The following SHROOM2 variants were observed in gnomAD, a reference collection of about 807,000 sequenced individuals.
The protein encoded by SHROOM2 is shroom family member 2.
In SHROOM2, 33 loss-of-function variants were observed where a neutral mutation model predicts 75.9. The ratio of observed to expected loss-of-function variants is 0.43; its 90% CI spans 0.33 to 0.58. SHROOM2 has a LOEUF of 0.58. Ranked by LOEUF, SHROOM2 falls within the 20% of genes least tolerant of loss-of-function variation. SHROOM2 has a pLI of 0.04. For missense variants in SHROOM2, 1,434 were observed against 1,461.2 expected (o/e 0.98, Z 0.30); for synonymous variants, 655 against 663.6 (o/e 0.99, Z 0.20).
intron 2 of SHROOM2, among the ~76,000 whole-genome samples, chrX:9,875,832 C>G (rs1206576768): frequency 8.9e-6 from 1 of 112,556 alleles, no homozygotes; most frequent in Admixed American, 9.4e-5. Flanking sequence ...GGAGTGAAGT[C>G]AGGTATCATT....
intron 1 of SHROOM2, among the ~76,000 whole-genome samples, chrX:9,797,464 T>C (rs971584297): frequency 8.0e-5 from 9 of 112,598 alleles, no homozygotes; most frequent in African/African-American, 2.9e-4. Context: ...ATCAGAAGTT[T>C]TCCTTCTAGC....
intron 1 of SHROOM2, among the ~76,000 whole-genome samples, chrX:9,810,573 C>T (rs760105106): frequency 5.4e-5 from 6 of 110,493 alleles, no homozygotes; most frequent in African/African-American, 1.6e-4. Context: ...CTGGTGGCAG[C>T]GTTCCTCCCT....
intron 1 of SHROOM2, among the ~76,000 whole-genome samples, chrX:9,857,917 G>C (rs910806803): frequency 9.0e-6 from 1 of 110,756 alleles, no homozygotes; most frequent in South Asian, 3.9e-4. Flanking sequence ...CCCAGTGCTC[G>C]AGGCTGTAGA....
intron 5 of SHROOM2, among the ~76,000 whole-genome samples, chrX:9,928,255 C>A (rs1431184886): frequency 8.9e-6 from 1 of 112,423 alleles, no homozygotes; most frequent in African/African-American, 3.2e-5. Flanking sequence ...CCTCTGGGAA[C>A]TGTGCAAGCA....
At chrX:9,863,447 C>T (rs1479176487) in intron 1 of SHROOM2, among the ~76,000 whole-genome samples, 3 of 110,851 alleles carry the variant, frequency 2.7e-5, no homozygotes, top group South Asian at 3.8e-4. Context: ...GCCTCATCCT[C>T]GCGCCTCTCC....
chrX:9,845,610 G>C (rs1221003475), intron 1 of SHROOM2, among the ~76,000 whole-genome samples: 1 of 108,565 alleles, frequency 9.2e-6, no homozygotes, highest in East Asian at 2.9e-4. Flanking sequence ...TAGTTCCAGA[G>C]ACAAAGGACT....
chrX:9,829,646 G>T (rs1333321410), intron 1 of SHROOM2, among the ~76,000 whole-genome samples: 6 of 112,194 alleles, frequency 5.3e-5, no homozygotes, highest in Non-Finnish European at 1.1e-4. Flanking sequence ...TTAAATATAT[G>T]GAAACAAGGA....
At chrX:9,865,325 T>A (rs1245605372) in intron 1 of SHROOM2, 1 of 111,168 alleles carries the variant, frequency 9.0e-6, no homozygotes, top group Non-Finnish European at 1.9e-5. Context: ...CTGAAAGTAT[T>A]CCCCTGGCAT....
chrX:9,879,121 G>T (rs772357682), intron 2 of SHROOM2, among the ~76,000 whole-genome samples: 9 of 111,399 alleles, frequency 8.1e-5, no homozygotes, highest in African/African-American at 2.3e-4. Context: ...GAGTGCGGTG[G>T]CTACTGACAG....
intron 1 of SHROOM2, among the ~76,000 whole-genome samples, chrX:9,872,367 C>T (rs1241063681): frequency 8.9e-6 from 1 of 112,556 alleles, no homozygotes; most frequent in Non-Finnish European, 1.9e-5. Context: ...GAGTTCAAGA[C>T]CAGCCTGGCC....
At chrX:9,789,106 A>G (rs1228143140) in intron 1 of SHROOM2, among the ~76,000 whole-genome samples, 1 of 111,613 alleles carries the variant, frequency 9.0e-6, no homozygotes, top group Admixed American at 9.6e-5. Context: ...CCCTGAGAAT[A>G]GGCTTTATTT....
intron 2 of SHROOM2, among the ~76,000 whole-genome samples, chrX:9,889,365 C>G (rs964432415): frequency 4.5e-5 from 5 of 112,303 alleles, no homozygotes; most frequent in African/African-American, 1.6e-4. Context: ...CTGGGAAAAA[C>G]ATCTGATCTC....
rs764750698 is a variant in SHROOM2, at chrX:9,802,925, C to CT, written c.165+16232dup. Among the ~76,000 whole-genome samples, 1,744 of 86,757 alleles carry CT rather than the reference C, an allele frequency of 0.02. 84 individuals are homozygous for CT. In the East Asian group the frequency reaches 0.22, roughly 11 times the overall value. The allele number at this position is 86,757 out of a possible 115,157, so 75.3% of individuals were successfully genotyped here. A position where few individuals can be genotyped will look rare whatever the true frequency, so the allele number is the denominator to read the frequency against. ...TGGGTGACATCACAGCTGCAGATTTCTTTTTTTTTTTTTTTTTAAATGAAA... is the reference window on the plus strand; with the variant it reads ...TGGGTGACATCACAGCTGCAGATTTCTTTTTTTTTTTTTTTTTTAAATGAAA... On this transcript the variant is annotated intron_variant, in intron 1 of 9. Transcript: ENST00000380913.
chrX:9,835,876 C>T (rs185579911), intron 1 of SHROOM2, among the ~76,000 whole-genome samples: 7 of 112,088 alleles, frequency 6.2e-5, no homozygotes, highest in African/African-American at 1.6e-4. Flanking sequence ...TGTGCCACCA[C>T]GCCCGGCTCA....
rs148235958 is a variant in SHROOM2 at position 9,937,337 on chromosome X, C to T, written c.3791C>T (p.Thr1264Met). Reference sequence around the variant, plus strand: ...TTCTACTCGCGCTTCTGTCTGTACACGCGGCAGGGTGCTGAGCCCGAGGCC... The same window carrying T: ...TTCTACTCGCGCTTCTGTCTGTACATGCGGCAGGGTGCTGAGCCCGAGGCC... ...EQFYSRFCLY[T>M]RQGAEPEAPH... is the part of the protein sequence containing the mutation. The change falls in exon 7 of 10, where the codon ACG becomes ATG. Residue 1264 changes from threonine to methionine, a missense_variant. Around this residue, in one of 3 missense-constraint regions of SHROOM2, gnomAD observed 1,340 missense variants for 1,338.3 expected, o/e 1.00. Transcript: ENST00000380913. 9.1e-5 allele frequency: 110 copies of T among 1,203,704 alleles called. No individual in the cohort carries two copies. Among genetic ancestry groups the T allele is most frequent in the Non-Finnish European group, 1.0e-4 (93 of 891,957 alleles).
intron 1 of SHROOM2, among the ~76,000 whole-genome samples, chrX:9,820,582 C>T (rs1207720926): frequency 8.9e-6 from 1 of 111,842 alleles, no homozygotes; most frequent in African/African-American, 3.2e-5. Flanking sequence ...CCAGGCTGGT[C>T]TCAAACTCCT....
At chrX:9,930,346 T>C (rs1490017038) in intron 5 of SHROOM2, among the ~76,000 whole-genome samples, 2 of 109,944 alleles carry the variant, frequency 1.8e-5, no homozygotes, top group African/African-American at 6.6e-5. Context: ...TGAAACCCTA[T>C]CTCTACAAAA....
In SHROOM2 at chrX:9,937,268, G is replaced by A. The variant is rs1253305739; in HGVS notation, c.3722G>A (p.Gly1241Glu). The A allele has an allele frequency of 5.0e-6, 6 of 1,209,273 alleles. No individual in the cohort carries two copies. The highest frequency in any genetic ancestry group is 6.7e-6 in the Non-Finnish European group (6 of 894,744). ...CPAEPPALPHGLEKDQIKTLS... is the reference protein window; with the variant it reads ...CPAEPPALPHELEKDQIKTLS... Reference sequence around the variant, plus strand: ...GCCGAGCCACCTGCCCTGCCCCACGGGCTGGAGAAAGACCAGATCAAGACG... The same window carrying A: ...GCCGAGCCACCTGCCCTGCCCCACGAGCTGGAGAAAGACCAGATCAAGACG... Residue 1241 changes from glycine to glutamate, a missense_variant, in exon 7 of 10, where the codon GGG becomes GAG. By Grantham distance (98) the Gly-to-Glu change is moderately conservative. Transcript: ENST00000380913.
chrX:9,787,992 C>CTTTTTTTTTTTTTTTT lies in SHROOM2; in HGVS notation c.165+1294_165+1295insTTTTTTTTTTTTTTTT, dbSNP rs58004470. 1.6e-3 allele frequency among the ~76,000 whole-genome samples: 134 copies of CTTTTTTTTTTTTTTTT among 84,175 alleles called. 2 individuals carry two copies. The highest frequency in any genetic ancestry group is 5.5e-3 in the African/African-American group (131 of 23,755). The allele number at this position is 84,175 out of a possible 115,157, so 73.1% of individuals were successfully genotyped here. On this transcript the variant is annotated intron_variant, in intron 1 of 9. Transcript: ENST00000380913. ...CTTTTCTTTTCTTTCTTTCTTTCTT[C>CTTTTTTTTTTTTTTTT]TTTTTTTTTTTTGAGACAGGGTCTT...
Sources: allele counts gnomAD v4.1 joint callset (sites outside exome capture counted in the v4.1 genomes callset), GRCh38; gene constraint gnomAD v4.1.1; regional missense constraint gnomAD v4.1.1; transcripts MANE v1.5; gene names NCBI Gene and HGNC (gene_info 2026-07-23, HGNC 2026-07-21).